Variants in KDM4A observed in about 807,000 individuals in gnomAD.
The protein encoded by KDM4A is lysine-specific demethylase 4A.
KDM4A carries 23 observed loss-of-function variants against 127.1 expected under a neutral mutation model. The ratio of observed to expected loss-of-function variants is 0.18; its 90% confidence interval spans 0.13 to 0.26. The LOEUF is 0.26. Ranked by LOEUF, KDM4A falls within the 10% of genes least tolerant of loss-of-function variation. The pLI, the probability that KDM4A is intolerant of heterozygous loss-of-function variation, is 1.00. For missense variants in KDM4A, 890 were observed against 1,329.1 expected (o/e 0.67, Z 5.14); for synonymous variants, 443 against 466.5 (o/e 0.95, Z 0.65).
chr1:43,704,496 C>T lies in KDM4A; in HGVS notation c.*126C>T. The T allele has an allele frequency of 9.4e-7, 1 of 1,058,780 alleles. No individual in the cohort carries two copies. The highest frequency in any genetic ancestry group is 1.4e-6 in the Non-Finnish European group (1 of 725,426). 65.6% of individuals were successfully genotyped at this position (1,058,780 alleles called of 1,614,324 possible). On this transcript the variant is annotated 3_prime_UTR_variant, in exon 22 of 22. Transcript: ENST00000372396. ...TGTAAAAAGAAAAGGAATGAAATAACCGACCCATCATCTTCTCACCCACCC... is the reference window on the plus strand; with the variant it reads ...TGTAAAAAGAAAAGGAATGAAATAATCGACCCATCATCTTCTCACCCACCC...
chr1:43,677,620 A>G (rs568537605), intron 11 of KDM4A, among the ~76,000 whole-genome samples: 1 of 152,280 alleles, frequency 6.6e-6, no homozygotes, highest in Admixed American at 6.5e-5. Context: ...TTAATCAAGA[A>G]GCTGTCATTG....
chr1:43,677,996 A>G (rs577169457), intron 11 of KDM4A, among the ~76,000 whole-genome samples: 1 of 152,210 alleles, frequency 6.6e-6, no homozygotes, highest in South Asian at 2.1e-4. Flanking sequence ...GCTACTTGGA[A>G]GGTAGGCACA....
chr1:43,654,294 C>T (rs1486766807), intron 2 of KDM4A, among the ~76,000 whole-genome samples: 1 of 152,232 alleles, frequency 6.6e-6, no homozygotes, highest in Non-Finnish European at 1.5e-5. Flanking sequence ...GATCTTCATC[C>T]ACCTTCTCCA....
At chr1:43,650,350 A>C (rs908320410) in intron 1 of KDM4A, 98 bp downstream of exon 1, 1 of 152,554 alleles carries the variant, frequency 6.6e-6, no homozygotes, top group Non-Finnish European at 1.5e-5. Context: ...TGGGTCTTCC[A>C]GCGGTGAGTG....
Position 43,667,945 on chromosome 1 carries a change from T to C in KDM4A, c.1089T>C (p.Ala363=), listed in dbSNP as rs775478598. Residue 363 remains alanine (A), a synonymous_variant, in exon 9 of 22, where the codon GCT becomes GCC. Coordinates refer to ENST00000372396, the MANE Select transcript of KDM4A (RefSeq NM_014663.3). The part of the protein sequence containing the change: ...FLKESELPPR[A]GNEEECPEED... Reference sequence around the variant, plus strand: ...AGGAGAGTGAACTGCCTCCAAGAGCTGGCAACGAGGAGGAGTGCCCAGAGG... The same window carrying C: ...AGGAGAGTGAACTGCCTCCAAGAGCCGGCAACGAGGAGGAGTGCCCAGAGG... 6.2e-7 allele frequency: 1 copy of C among 1,614,062 alleles called. No homozygotes were observed. The highest frequency in any genetic ancestry group is 8.5e-7 in the Non-Finnish European group (1 of 1,180,002).
intron 14 of KDM4A, 36 bp downstream of exon 14, chr1:43,691,085 A>G (rs1354488227): frequency 6.2e-6 from 10 of 1,604,406 alleles, no homozygotes; most frequent in Non-Finnish European, 8.5e-6. Context: ...GTCCTGTCCC[A>G]GGAGTATGGG....
intron 6 of KDM4A, among the ~76,000 whole-genome samples, chr1:43,666,097 T>C (rs558504880): frequency 4.6e-5 from 7 of 152,336 alleles, no homozygotes; most frequent in South Asian, 4.1e-4. Flanking sequence ...CTGGAGAACA[T>C]AGGAAAGCCT....
In KDM4A at chr1:43,660,334, C is replaced by G; in HGVS notation, c.351C>G (p.Leu117=). 1 of 1,614,090 alleles carries G rather than the reference C, an allele frequency of 6.2e-7. No homozygotes were observed. Among genetic ancestry groups the G allele is most frequent in the South Asian group, 1.1e-5 (1 of 91,084 alleles). ...CACGCTATAGTGAGTTTGAAGAGCTCGAGCGGAAATACTGGAAAAATCTTA... is the reference window on the plus strand; with the variant it reads ...CACGCTATAGTGAGTTTGAAGAGCTGGAGCGGAAATACTGGAAAAATCTTA... ...CTPRYSEFEE[L]ERKYWKNLTF... is the part of the protein sequence containing the mutation. The change falls in exon 4 of 22, where the codon CTC becomes CTG. Residue 117 remains leucine (L), a synonymous_variant. Transcript: ENST00000372396.
intron 11 of KDM4A, among the ~76,000 whole-genome samples, chr1:43,672,269 AC>A (rs1163180004): frequency 6.6e-6 from 1 of 151,610 alleles, no homozygotes; most frequent in Non-Finnish European, 1.5e-5. Flanking sequence ...GCTCACTGCA[AC>A]CTCTGCCTTC....
At chr1:43,679,717 C>T (rs1184620854) in intron 11 of KDM4A, among the ~76,000 whole-genome samples, 1 of 152,298 alleles carries the variant, frequency 6.6e-6, no homozygotes, top group South Asian at 2.1e-4. Context: ...ATGTCTGCTG[C>T]AGAAGTTCTT....
intron 11 of KDM4A, among the ~76,000 whole-genome samples, chr1:43,682,564 CCTT>C (rs1433770249): frequency 1.3e-5 from 2 of 152,340 alleles, no homozygotes; most frequent in South Asian, 2.1e-4. Flanking sequence ...CTTCTCTACA[CCTT>C]CTTCTTTTCC....
intron 11 of KDM4A, among the ~76,000 whole-genome samples, chr1:43,676,039 C>T (rs1055093035): frequency 1.7e-4 from 26 of 150,358 alleles, no homozygotes; most frequent in Admixed American, 7.9e-4. Flanking sequence ...TGAGATCACA[C>T]CACTGCACTC....
At chr1:43,703,963 T>G (rs1019494724) in intron 20 of KDM4A, 57 bp from the exon 21 acceptor site, 125 of 1,484,546 alleles carry the variant, frequency 8.4e-5, no homozygotes, top group Middle Eastern at 1.7e-4. Context: ...CTGTGCATGG[T>G]GGACCAGGGA....
At chr1:43,656,749 T>C (rs926330948) in intron 3 of KDM4A, among the ~76,000 whole-genome samples, 8 of 149,792 alleles carry the variant, frequency 5.3e-5, no homozygotes, top group African/African-American at 2.0e-4. Context: ...TTTTTTGAGG[T>C]GGAGTCTCGC....
At chr1:43,670,240 T>C (rs1357853344) in intron 10 of KDM4A, among the ~76,000 whole-genome samples, 1 of 152,198 alleles carries the variant, frequency 6.6e-6, no homozygotes, top group Non-Finnish European at 1.5e-5. Flanking sequence ...TTGGGTCAGG[T>C]ATGACCCAAA....
At chr1:43,682,580 G>C (rs551664521) in intron 11 of KDM4A, among the ~76,000 whole-genome samples, 1 of 152,230 alleles carries the variant, frequency 6.6e-6, no homozygotes, top group South Asian at 2.1e-4. Context: ...TCTTTTCCTG[G>C]GCAGGCCTTT....
chr1:43,672,196 T>G (rs1660635207), intron 11 of KDM4A, among the ~76,000 whole-genome samples: 1 of 152,188 alleles, frequency 6.6e-6, no homozygotes, highest in South Asian at 2.1e-4. Context: ...AATGCCTTTT[T>G]TTTTTTTCTT....
rs528814332 is a variant in KDM4A at position 43,698,931 on chromosome 1, G to A, written c.2841+918G>A. On this transcript the variant is annotated intron_variant, in intron 19 of 21. Transcript: ENST00000372396. The stretch of plus-strand genomic sequence containing the variant: ...AGCCTCCCTGGTAGCTGGGACTACA[G>A]GAACGCACCACCACAGCCGGCTAAT... Among the ~76,000 whole-genome samples the A allele has an allele frequency of 4.6e-5, 7 of 152,214 alleles. No homozygotes were observed. In the South Asian group the frequency reaches 1.5e-3, roughly 32 times the overall value.
intron 4 of KDM4A, among the ~76,000 whole-genome samples, chr1:43,662,663 A>T (rs138524295): frequency 6.3e-4 from 96 of 152,292 alleles, no homozygotes; most frequent in African/African-American, 2.2e-3. Context: ...TCTTTCCTAC[A>T]CTAGTATTCA....
Sources: gnomAD v4.1 joint callset for allele counts (sites outside exome capture counted in the v4.1 genomes callset) on GRCh38, gnomAD v4.1.1 for gene constraint, MANE v1.5 for transcripts, NCBI Gene and HGNC (gene_info 2026-07-23, HGNC 2026-07-21) for gene names.